The following MTA3 variants were observed in gnomAD, a reference collection of about 807,000 sequenced individuals.
MTA3 encodes the protein metastasis-associated protein MTA3.
MTA3 carries 34 observed loss-of-function variants against 83.5 expected under a neutral mutation model. The ratio of observed to expected loss-of-function variants is 0.41; its 90% CI spans 0.31 to 0.54. The LOEUF is 0.54. Among genes scored for constraint, MTA3 ranks in the 20% least tolerant of loss-of-function variants. The pLI, the probability that MTA3 is intolerant of heterozygous loss-of-function variation, is 0.33. For missense variants in MTA3, 761 were observed against 726.4 expected (o/e 1.05, Z -0.55); for synonymous variants, 303 against 252.7 (o/e 1.20, Z -1.89).
chr2:42,667,513 A>T (rs112668689), intron 8 of MTA3, among the ~76,000 whole-genome samples: 7 of 150,188 alleles, frequency 4.7e-5, no homozygotes, highest in Non-Finnish European at 7.4e-5. Context: ...TTCACTTAGC[A>T]TGTTTTCAAG....
intron 16 of MTA3, among the ~76,000 whole-genome samples, chr2:42,739,237 C>G (rs1391691213): frequency 6.6e-6 from 1 of 152,088 alleles, no homozygotes. Context: ...TACACTGTCC[C>G]TTTATTTCTC....
At chr2:42,578,689 G>T (rs561827697) in intron 2 of MTA3, among the ~76,000 whole-genome samples, 2 of 152,278 alleles carry the variant, frequency 1.3e-5, no homozygotes, top group Admixed American at 6.5e-5. Context: ...TTTGGACGAG[G>T]TGTGTTTAAA....
At chr2:42,509,200 G>A (rs539777986) in intron 2 of MTA3, among the ~76,000 whole-genome samples, 1 of 152,010 alleles carries the variant, frequency 6.6e-6, no homozygotes, top group East Asian at 1.9e-4. Flanking sequence ...CCACCACCAT[G>A]CCCAGCTAAT....
intron 4 of MTA3, among the ~76,000 whole-genome samples, chr2:42,614,580 A>C (rs1558502318): frequency 6.6e-6 from 1 of 152,040 alleles, no homozygotes; most frequent in Non-Finnish European, 1.5e-5. Flanking sequence ...CTACCCTTCC[A>C]TTATCTGCTT....
intron 8 of MTA3, among the ~76,000 whole-genome samples, chr2:42,673,342 C>T (rs561417284): frequency 1.3e-5 from 2 of 152,186 alleles, no homozygotes; most frequent in African/African-American, 2.4e-5. Context: ...CAAATCAGTA[C>T]AGATGGCCCT....
intron 8 of MTA3, among the ~76,000 whole-genome samples, chr2:42,679,861 G>T (rs1691713962): frequency 2.0e-5 from 3 of 148,742 alleles, no homozygotes; most frequent in African/African-American, 2.5e-5. Context: ...TCCCCACTTT[G>T]GATTCTTTTC....
chr2:42,547,477 C>T (rs1294936254), intron 2 of MTA3, among the ~76,000 whole-genome samples: 6 of 152,202 alleles, frequency 3.9e-5, no homozygotes, highest in East Asian at 3.8e-4. Context: ...ATTACAGGCA[C>T]GCGCCAACGC....
intron 11 of MTA3, among the ~76,000 whole-genome samples, chr2:42,699,427 G>A (rs531224735): frequency 1.6e-4 from 25 of 152,272 alleles, no homozygotes; most frequent in African/African-American, 4.6e-4. Context: ...ATGAACAGTG[G>A]AAGTTGATTT....
intron 2 of MTA3, among the ~76,000 whole-genome samples, chr2:42,570,894 T>C (rs1678400466): frequency 6.6e-6 from 1 of 151,548 alleles, no homozygotes; most frequent in African/African-American, 2.4e-5. Context: ...ATGCCTGTAA[T>C]CCCAGCTACT....
chr2:42,499,531 C>T (rs1674301056), intron 2 of MTA3, among the ~76,000 whole-genome samples: 2 of 151,542 alleles, frequency 1.3e-5, no homozygotes, highest in Admixed American at 6.6e-5. Flanking sequence ...ATGGCTCATG[C>T]CTGTAATCCC....
rs199675965 is a variant in MTA3, at chr2:42,644,153, T to C, written c.408T>C (p.Tyr136=). The part of the protein sequence containing the change: ...KEDTFFYSLV[Y]DPSLKTLLAD... ...ATACCTTCTTCTACTCATTGGTCTATGACCCCTCATTGAAAACACTATTAG... is the reference window on the plus strand; with the variant it reads ...ATACCTTCTTCTACTCATTGGTCTACGACCCCTCATTGAAAACACTATTAG... The change falls in exon 6 of 17, where the codon TAT becomes TAC. Residue 136 remains tyrosine, a synonymous_variant. Coordinates refer to ENST00000405094, the MANE Select transcript of MTA3 (RefSeq NM_001330442.2). 1.7e-4 allele frequency: 278 copies of C among 1,611,908 alleles called. 1 individual carries two copies. The African/African-American group carries it at 3.4e-3, about 20-fold the overall frequency.
chr2:42,622,153 G>A (rs950629023), intron 4 of MTA3, among the ~76,000 whole-genome samples: 4 of 152,194 alleles, frequency 2.6e-5, no homozygotes, highest in African/African-American at 4.8e-5. Flanking sequence ...CTGCAATCCC[G>A]GCACCTCGGG....
chr2:42,536,245 G>A (rs371016512), intron 2 of MTA3, among the ~76,000 whole-genome samples: 1 of 149,886 alleles, frequency 6.7e-6, no homozygotes, highest in Non-Finnish European at 1.5e-5. Flanking sequence ...AGGCTGAGAT[G>A]GGTGGATCAC....
chr2:42,656,574 C>T (rs1689190545), intron 7 of MTA3, among the ~76,000 whole-genome samples: 1 of 151,940 alleles, frequency 6.6e-6, no homozygotes, highest in African/African-American at 2.4e-5. Flanking sequence ...CCTGAAGTCC[C>T]ACATCCTTAA....
chr2:42,729,835 A>G (rs555460352), intron 16 of MTA3, among the ~76,000 whole-genome samples: 1 of 152,290 alleles, frequency 6.6e-6, no homozygotes, highest in African/African-American at 2.4e-5. Flanking sequence ...GAAGAACATC[A>G]TTGGTATTTT....
chr2:42,723,001 GA>G lies in MTA3; in HGVS notation c.1729del (p.Arg577GlufsTer155). 6.4e-7 allele frequency: 1 copy of G among 1,550,954 alleles called. No individual in the cohort carries two copies. The highest frequency in any genetic ancestry group is 1.2e-5 in the South Asian group (1 of 84,060). ...PNHTSLSILG[K>X]RNYSHHNGLD... ...ATCACACATCTCTGAGCATTCTGGG[GA>G]AAAGAAACTACAGTCATCACAATGG... is the stretch of plus-strand genomic sequence containing the variant. On this transcript the variant is annotated frameshift_variant, in exon 16 of 17. Coordinates refer to ENST00000405094, the MANE Select transcript of MTA3 (RefSeq NM_001330442.2). LOFTEE classifies it high-confidence loss of function.
At chr2:42,662,306 G>C (rs1208836083) in intron 8 of MTA3, among the ~76,000 whole-genome samples, 1 of 151,746 alleles carries the variant, frequency 6.6e-6, no homozygotes, top group African/African-American at 2.4e-5. Context: ...TGAGTTTTTA[G>C]GCTATAACTA....
intron 6 of MTA3, among the ~76,000 whole-genome samples, chr2:42,650,137 C>T (rs1688577486): frequency 6.6e-6 from 1 of 152,108 alleles, no homozygotes; most frequent in African/African-American, 2.4e-5. Context: ...ATTGTTTAAG[C>T]AGGTATTGAT....
chr2:42,749,321 T>C (rs902166101), intron 16 of MTA3, among the ~76,000 whole-genome samples: 2 of 152,212 alleles, frequency 1.3e-5, no homozygotes, highest in Admixed American at 1.3e-4. Flanking sequence ...AATGTGCTCA[T>C]GGGGAAAGAC....
Sources: gnomAD v4.1 joint callset for allele counts (sites outside exome capture counted in the v4.1 genomes callset) on GRCh38, gnomAD v4.1.1 for gene constraint, MANE v1.5 for transcripts, NCBI Gene and HGNC (gene_info 2026-07-23, HGNC 2026-07-21) for gene names.